Variants in THEMIS observed in about 807,000 individuals in gnomAD.
THEMIS encodes the protein protein THEMIS.
Under a neutral mutation model 52.6 loss-of-function variants are expected in THEMIS, and 37 were observed. The observed-to-expected ratio is 0.70, with a 90% confidence interval of 0.54 to 0.93. The LOEUF is 0.93. THEMIS is among the 40% of genes least tolerant of loss of function. The probability of loss-of-function intolerance (pLI) is 0.00; values close to 1 mark genes in which losing one functional copy is unlikely to be tolerated. For synonymous variants in THEMIS, 292 were observed against 272.7 expected, an observed-to-expected ratio of 1.07 and a Z score of -0.70; for missense variants, 808 against 763.1, an observed-to-expected ratio of 1.06 and a Z score of -0.69.
At chr6:127,797,509 C>A (rs974553500) in intron 4 of THEMIS, among the ~76,000 whole-genome samples, 1 of 152,136 alleles carries the variant, frequency 6.6e-6, no homozygotes, top group Non-Finnish European at 1.5e-5. Flanking sequence ...TTACCCCAGG[C>A]AAAGGGAAGC....
chr6:127,833,887 T>C (rs917419615), intron 2 of THEMIS, among the ~76,000 whole-genome samples: 2 of 152,334 alleles, frequency 1.3e-5, no homozygotes, highest in African/African-American at 2.4e-5. Context: ...ATGAGAAATA[T>C]ATATGACAAA....
At chr6:127,747,759 T>C (rs1263778346) in intron 4 of THEMIS, among the ~76,000 whole-genome samples, 1 of 152,092 alleles carries the variant, frequency 6.6e-6, no homozygotes, top group East Asian at 1.9e-4. Context: ...TCACACTAAA[T>C]ATTCTTCACA....
chr6:127,874,448 T>C (rs1037351990), intron 1 of THEMIS, among the ~76,000 whole-genome samples: 1 of 152,228 alleles, frequency 6.6e-6, no homozygotes, highest in Non-Finnish European at 1.5e-5. Context: ...TAGTATACGA[T>C]AAAATAGATT....
chr6:127,797,501 AC>A (rs1486437940), intron 4 of THEMIS, among the ~76,000 whole-genome samples: 2 of 152,132 alleles, frequency 1.3e-5, no homozygotes, highest in African/African-American at 4.8e-5. Flanking sequence ...AAAATAACTT[AC>A]CCCAGGCAAA....
chr6:127,757,880 G>A (rs1021495003), intron 4 of THEMIS, among the ~76,000 whole-genome samples: 7 of 151,616 alleles, frequency 4.6e-5, no homozygotes, highest in African/African-American at 1.2e-4. Flanking sequence ...GGTAGAGAGC[G>A]ATCAGGTAAT....
intron 1 of THEMIS, among the ~76,000 whole-genome samples, chr6:127,914,980 A>C (rs374271386): frequency 6.6e-6 from 1 of 152,342 alleles, no homozygotes; most frequent in East Asian, 1.9e-4. Flanking sequence ...GAATCTGAAA[A>C]GCTGCTACTT....
chr6:127,803,014 A>G (rs1777586494), intron 4 of THEMIS, among the ~76,000 whole-genome samples: 2 of 152,126 alleles, frequency 1.3e-5, no homozygotes, highest in Non-Finnish European at 2.9e-5. Context: ...CTTATCTTGT[A>G]CCTTTCTTAT....
intron 4 of THEMIS, among the ~76,000 whole-genome samples, chr6:127,810,316 T>C (rs1261831741): frequency 6.6e-6 from 1 of 152,190 alleles, no homozygotes; most frequent in African/African-American, 2.4e-5. Flanking sequence ...CAACCACACC[T>C]CATTCTCCTC....
chr6:127,740,569 C>T (rs1330480169), intron 4 of THEMIS, among the ~76,000 whole-genome samples: 4 of 152,084 alleles, frequency 2.6e-5, no homozygotes, highest in Non-Finnish European at 4.4e-5. Flanking sequence ...AAAGGGTGAC[C>T]ATATATAAGT....
intron 4 of THEMIS, among the ~76,000 whole-genome samples, chr6:127,801,781 G>A (rs1777544523): frequency 6.6e-6 from 1 of 152,162 alleles, no homozygotes. Flanking sequence ...CAACACCCCT[G>A]TGTGCTTCTA....
intron 3 of THEMIS, among the ~76,000 whole-genome samples, chr6:127,819,882 A>T (rs939795920): frequency 2.0e-5 from 3 of 152,214 alleles, no homozygotes; most frequent in Non-Finnish European, 4.4e-5. Context: ...AGGCAGAATA[A>T]AACGTTTTAT....
chr6:127,697,080 C>T, the THEMIS span, among the ~76,000 whole-genome samples: 1 of 152,064 alleles, frequency 6.6e-6, no homozygotes, highest in Non-Finnish European at 1.5e-5. Flanking sequence ...CCTCTCCCGA[C>T]TCATATATGC....
intron 4 of THEMIS, among the ~76,000 whole-genome samples, chr6:127,768,164 AT>A (rs1776262336): frequency 6.6e-6 from 1 of 152,218 alleles, no homozygotes; most frequent in African/African-American, 2.4e-5. Flanking sequence ...ATATTTAATA[AT>A]TTTTAATTCA....
intron 2 of THEMIS, among the ~76,000 whole-genome samples, chr6:127,851,454 G>C (rs1181294058): frequency 6.6e-6 from 1 of 151,490 alleles, no homozygotes; most frequent in Non-Finnish European, 1.5e-5. Flanking sequence ...GATAAAGACT[G>C]TTACCCCAAA....
At chr6:127,825,371 T>A (rs1425400185) in intron 3 of THEMIS, among the ~76,000 whole-genome samples, 1 of 152,186 alleles carries the variant, frequency 6.6e-6, no homozygotes, top group Admixed American at 6.5e-5. Context: ...CCACGTATAA[T>A]CTCTCCAAGA....
At chr6:127,759,507 C>T (rs1463779221) in intron 4 of THEMIS, among the ~76,000 whole-genome samples, 1 of 152,148 alleles carries the variant, frequency 6.6e-6, no homozygotes, top group Admixed American at 6.5e-5. Context: ...AAACATATTT[C>T]CACACCAGTC....
At chr6:127,757,592 C>T (rs1775873673) in intron 4 of THEMIS, among the ~76,000 whole-genome samples, 1 of 152,110 alleles carries the variant, frequency 6.6e-6, no homozygotes, top group Non-Finnish European at 1.5e-5. Context: ...ACGCCATTCT[C>T]CTGCCTCAGC....
intron 1 of THEMIS, among the ~76,000 whole-genome samples, chr6:127,916,448 A>G (rs1427345293): frequency 6.6e-6 from 1 of 152,124 alleles, no homozygotes; most frequent in Non-Finnish European, 1.5e-5. Context: ...GGTGAAGATG[A>G]TTAATGGTGC....
chr6:127,802,057 A>T lies in THEMIS; in HGVS notation c.1758+10826T>A, dbSNP rs968477710. On this transcript the variant is annotated intron_variant, in intron 4 of 5. Coordinates refer to ENST00000368248, the MANE Select transcript of THEMIS (RefSeq NM_001010923.3). ...ATGTTGCAGTTCGGGGAGTTAAAAA[A>T]GGTTCTAAGAGTTTATTTGCTTGGT... 4.6e-5 allele frequency among the ~76,000 whole-genome samples: 7 copies of T among 152,314 alleles called. No individual in the cohort carries two copies. In the East Asian group the frequency reaches 1.2e-3, roughly 25 times the overall value.
Sources: allele counts gnomAD v4.1 joint callset (sites outside exome capture counted in the v4.1 genomes callset), GRCh38; gene constraint gnomAD v4.1.1; transcripts MANE v1.5; gene names NCBI Gene and HGNC (gene_info 2026-07-23, HGNC 2026-07-21).